KIAA0825: variants seen among roughly 807,000 people sequenced by gnomAD.
The protein encoded by KIAA0825 is KIAA0825.
A neutral mutation model predicts 147.6 loss-of-function variants in KIAA0825; 119 were observed. The ratio of observed to expected loss-of-function variants is 0.81; its 90% CI spans 0.69 to 0.94. The LOEUF is 0.94. Ranked by LOEUF, KIAA0825 falls within the 40% of genes least tolerant of loss-of-function variation. KIAA0825 has a pLI of 0.00. For synonymous variants in KIAA0825, 470 were observed against 518.1 expected, an observed-to-expected ratio of 0.91 and a Z score of 1.26; for missense variants, 1,381 against 1,472.7, an observed-to-expected ratio of 0.94 and a Z score of 1.02.
intron 20 of KIAA0825, among the ~76,000 whole-genome samples, chr5:94,213,942 G>A (rs1164070208): frequency 6.6e-6 from 1 of 152,154 alleles, no homozygotes; most frequent in Non-Finnish European, 1.5e-5. Flanking sequence ...TAGACTCCAG[G>A]ATGATAGGAA....
chr5:94,470,153 T>C, intron 9 of KIAA0825, 42 bp from the exon 10 acceptor site: 1 of 1,473,992 alleles, frequency 6.8e-7, no homozygotes, highest in Non-Finnish European at 9.1e-7. Flanking sequence ...ATTTAAGGCC[T>C]GTGCAGTAGG....
chr5:94,574,806 C>A lies in KIAA0825; in HGVS notation c.-2+7627G>T, dbSNP rs542918840. 2.6e-5 allele frequency among the ~76,000 whole-genome samples: 4 copies of A among 152,164 alleles called. No individual in the cohort carries two copies. The South Asian group carries it at 8.3e-4, about 32-fold the overall frequency. On this transcript the variant is annotated intron_variant, in intron 2 of 20. Coordinates refer to ENST00000682413, the MANE Select transcript of KIAA0825 (RefSeq NM_001145678.3). ...TGGTGCCAGTATAAGCTCACTGCAG[C>A]CTTGAACTTTTTAAACTCAAGCAAT... is the stretch of plus-strand genomic sequence containing the variant.
At chr5:94,327,002 C>T (rs1780760697) in intron 20 of KIAA0825, among the ~76,000 whole-genome samples, 2 of 152,150 alleles carry the variant, frequency 1.3e-5, no homozygotes, top group African/African-American at 2.4e-5. Flanking sequence ...CATGTTCCCA[C>T]ACATTTAAAA....
intron 3 of KIAA0825, among the ~76,000 whole-genome samples, chr5:94,534,724 T>C (rs1771614855): frequency 6.6e-6 from 1 of 152,168 alleles, no homozygotes; most frequent in Non-Finnish European, 1.5e-5. Context: ...AAAAATTAAG[T>C]ATGAATGGTT....
intron 20 of KIAA0825, among the ~76,000 whole-genome samples, chr5:94,322,393 A>C (rs115083538): frequency 6.6e-6 from 1 of 151,958 alleles, no homozygotes; most frequent in African/African-American, 2.4e-5. Context: ...TCCCCAGACT[A>C]AATCAAGGTT....
chr5:94,590,170 T>C (rs915321432), intron 1 of KIAA0825, among the ~76,000 whole-genome samples: 3 of 152,066 alleles, frequency 2.0e-5, no homozygotes, highest in Non-Finnish European at 2.9e-5. Flanking sequence ...AATTTTTGCA[T>C]TTTTAGTAGA....
intron 20 of KIAA0825, among the ~76,000 whole-genome samples, chr5:94,187,407 T>TG (rs1276877086): frequency 6.0e-5 from 9 of 148,820 alleles, no homozygotes; most frequent in Non-Finnish European, 1.3e-4. Context: ...AAGGAGTTTT[T>TG]TTTTTTTTTT....
chr5:94,386,238 C>T lies in KIAA0825; in HGVS notation c.3619+4G>A. The T allele has an allele frequency of 6.5e-7, 1 of 1,536,224 alleles. No individual in the cohort carries two copies. The highest frequency in any genetic ancestry group is 1.2e-5 in the South Asian group (1 of 81,106). On this transcript the variant is annotated splice_donor_region_variant and intron_variant, in intron 19 of 20. Transcript: ENST00000682413. The stretch of plus-strand genomic sequence containing the variant: ...TTAAATTAAATTTACCATTTAATTT[C>T]CACATACCTGATCTAGCATGTTTTC...
chr5:94,300,952 C>T (rs1778370787), intron 20 of KIAA0825, among the ~76,000 whole-genome samples: 1 of 152,038 alleles, frequency 6.6e-6, no homozygotes. Flanking sequence ...CTGAAGTTTG[C>T]TGGTCTTCTA....
intron 12 of KIAA0825, among the ~76,000 whole-genome samples, 192 bp from the exon 13 acceptor site, chr5:94,453,261 C>A (rs1033519594): frequency 2.0e-5 from 3 of 152,050 alleles, no homozygotes; most frequent in African/African-American, 7.2e-5. Flanking sequence ...CAACCTCTGC[C>A]TCCCAGGGTC....
chr5:94,599,634 C>G (rs1355978387), intron 1 of KIAA0825, among the ~76,000 whole-genome samples: 4 of 151,848 alleles, frequency 2.6e-5, no homozygotes, highest in Non-Finnish European at 4.4e-5. Flanking sequence ...AAAGCAGAAT[C>G]AACAAAAGAA....
intron 20 of KIAA0825, among the ~76,000 whole-genome samples, chr5:94,173,683 G>C (rs888506431): frequency 6.6e-6 from 1 of 152,152 alleles, no homozygotes; most frequent in Admixed American, 6.6e-5. Context: ...GATTCAAGGG[G>C]AGGAAAACGA....
At chr5:94,545,059 G>C (rs1234543331) in intron 2 of KIAA0825, among the ~76,000 whole-genome samples, 1 of 152,054 alleles carries the variant, frequency 6.6e-6, no homozygotes, top group African/African-American at 2.4e-5. Flanking sequence ...AGTGACTGGG[G>C]TGGGGGTTGG....
At chr5:94,315,332 C>T (rs923182888) in intron 20 of KIAA0825, among the ~76,000 whole-genome samples, 2 of 151,626 alleles carry the variant, frequency 1.3e-5, no homozygotes, top group African/African-American at 4.8e-5. Context: ...TGCTGAAAAT[C>T]AGAGGCCTAG....
chr5:94,152,554 G>C lies in KIAA0825; in HGVS notation c.*1453C>G, dbSNP rs905239672. Among the ~76,000 whole-genome samples, 1 of 151,062 alleles carries C rather than the reference G, an allele frequency of 6.6e-6. No homozygotes were observed. Among genetic ancestry groups the C allele is most frequent in the Non-Finnish European group, 1.5e-5 (1 of 67,872 alleles). ...ACATTTTAAAAATTAACCAGGTGTGGTGGCACACAACTGTAGTTCTAGCTA... is the reference window on the plus strand; with the variant it reads ...ACATTTTAAAAATTAACCAGGTGTGCTGGCACACAACTGTAGTTCTAGCTA... On this transcript the variant is annotated 3_prime_UTR_variant, in exon 21 of 21. Transcript: ENST00000682413.
At chr5:94,289,422 C>T (rs1777790604) in intron 20 of KIAA0825, among the ~76,000 whole-genome samples, 1 of 151,478 alleles carries the variant, frequency 6.6e-6, no homozygotes, top group South Asian at 2.1e-4. Flanking sequence ...GTAATCCCAG[C>T]TACTTGGGAG....
chr5:94,410,213 A>T (rs1382922134), intron 15 of KIAA0825, among the ~76,000 whole-genome samples: 1 of 137,830 alleles, frequency 7.3e-6, no homozygotes, highest in Admixed American at 7.1e-5. Flanking sequence ...AAAAAAAAAA[A>T]TCACTGAACT....
chr5:94,311,776 G>A (rs1318843637), intron 20 of KIAA0825, among the ~76,000 whole-genome samples: 2 of 151,690 alleles, frequency 1.3e-5, no homozygotes, highest in African/African-American at 2.4e-5. Context: ...TCACTCTGCA[G>A]ATAATACAAA....
chr5:94,341,161 TG>T (rs1782330119), intron 20 of KIAA0825, among the ~76,000 whole-genome samples: 1 of 152,240 alleles, frequency 6.6e-6, no homozygotes, highest in African/African-American at 2.4e-5. Context: ...AGATAAATGA[TG>T]TTTATAGAAA....
Sources: gnomAD v4.1 joint callset for allele counts (sites outside exome capture counted in the v4.1 genomes callset) on GRCh38, gnomAD v4.1.1 for gene constraint, MANE v1.5 for transcripts, NCBI Gene and HGNC (gene_info 2026-07-23, HGNC 2026-07-21) for gene names.